The following GNS variants were observed in gnomAD, a reference collection of about 807,000 sequenced individuals.
GNS encodes N-acetylglucosamine-6-sulfatase.
Under a neutral mutation model 69.7 loss-of-function variants are expected in GNS, and 40 were observed. The ratio of observed to expected loss-of-function variants is 0.57; its 90% CI spans 0.45 to 0.75. The LOEUF is 0.75. GNS is among the 30% of genes least tolerant of loss of function. The pLI is 0.00. For synonymous variants in GNS, 243 were observed against 251.6 expected, an observed-to-expected ratio of 0.97 and a Z score of 0.32; for missense variants, 565 against 685.5, an observed-to-expected ratio of 0.82 and a Z score of 1.96.
chr12:64,737,438 C>T (rs1160136613), intron 8 of GNS, among the ~76,000 whole-genome samples: 1 of 152,148 alleles, frequency 6.6e-6, no homozygotes, highest in Non-Finnish European at 1.5e-5. Flanking sequence ...GAAGTTTACT[C>T]CAAAAACTGT....
chr12:64,748,052 T>A (rs572380726), intron 2 of GNS, 134 bp from the exon 3 acceptor site: 23 of 682,198 alleles, frequency 3.4e-5, no homozygotes, highest in African/African-American at 2.7e-4. Flanking sequence ...ATATATATAT[T>A]TTTTTCTACA....
intron 8 of GNS, 145 bp from the exon 9 acceptor site, chr12:64,737,252 G>A: frequency 1.5e-6 from 1 of 674,768 alleles, no homozygotes; most frequent in Non-Finnish European, 2.7e-6. Context: ...AAATTTGCCT[G>A]GGTCTCTTGT....
At chr12:64,755,207 C>T (rs915033840) in intron 1 of GNS, among the ~76,000 whole-genome samples, 7 of 152,190 alleles carry the variant, frequency 4.6e-5, no homozygotes, top group African/African-American at 1.7e-4. Context: ...GAATCATTTA[C>T]TTTCCTGGTT....
chr12:64,756,715 C>T, intron 1 of GNS: 4 of 1,474,970 alleles, frequency 2.7e-6, no homozygotes, highest in Non-Finnish European at 3.7e-6. Context: ...CTAGCTCTTC[C>T]CCTTGGAGTC....
intron 10 of GNS, among the ~76,000 whole-genome samples, chr12:64,727,567 G>A (rs1471365659): frequency 6.6e-6 from 1 of 152,192 alleles, no homozygotes; most frequent in Non-Finnish European, 1.5e-5. Flanking sequence ...CAGTAAAACA[G>A]AAGAAGGTAC....
intron 2 of GNS, 144 bp downstream of exon 2, chr12:64,752,554 T>A (rs1208900026): frequency 1.6e-6 from 1 of 629,270 alleles, no homozygotes; most frequent in African/African-American, 1.8e-5. Context: ...CAATTAAAAT[T>A]CACATTAAAT....
At position 64,739,508 on chromosome 12, in the gene GNS, G is replaced by C. The variant is rs1219035712; in HGVS notation, c.876-9C>G. On this transcript the variant is annotated splice_polypyrimidine_tract_variant and intron_variant, in intron 7 of 13. Coordinates refer to ENST00000258145, the MANE Select transcript of GNS (RefSeq NM_002076.4). ...AGAGGAGAGTTTGCCACCTGGATGT[G>C]AACAGAAGGTAGAAATGGGACTTCA... 8.0e-7 allele frequency: 1 copy of C among 1,256,574 alleles called. No individual in the cohort carries two copies. Among genetic ancestry groups the C allele is most frequent in the Non-Finnish European group, 1.1e-6 (1 of 889,362 alleles). 77.8% of individuals were successfully genotyped at this position (1,256,574 alleles called of 1,614,324 possible).
intron 2 of GNS, among the ~76,000 whole-genome samples, chr12:64,749,667 C>T (rs928750309): frequency 1.9e-4 from 29 of 152,092 alleles, no homozygotes; most frequent in Admixed American, 6.6e-4. Context: ...CCAGGGCTGT[C>T]GGCCTCTTGT....
At chr12:64,738,455 C>T (rs1869620249) in intron 8 of GNS, among the ~76,000 whole-genome samples, 2 of 152,198 alleles carry the variant, frequency 1.3e-5, no homozygotes, top group African/African-American at 4.8e-5. Context: ...AGACTGGCCT[C>T]ATGCAGCTGA....
At chr12:64,732,689 C>T (rs1448348057) in intron 9 of GNS, among the ~76,000 whole-genome samples, 2 of 151,960 alleles carry the variant, frequency 1.3e-5, no homozygotes, top group African/African-American at 4.8e-5. Context: ...TCTCGATCTC[C>T]TGACCTCCTG....
At position 64,734,452 on chromosome 12, in the gene GNS, C is replaced by T. The variant is rs187393797; in HGVS notation, c.1098+2552G>A. The stretch of plus-strand genomic sequence containing the variant: ...TTATGAAGCGACTTCCCAGAGGGAG[C>T]GGTAAACCAAAGCCCTAAAGGACAA... On this transcript the variant is annotated intron_variant, in intron 9 of 13. Transcript: ENST00000258145. Among the ~76,000 whole-genome samples the T allele has an allele frequency of 1.6e-4, 25 of 152,258 alleles. No individual in the cohort carries two copies. The East Asian group carries it at 3.5e-3, about 21-fold the overall frequency.
chr12:64,727,433 T>C (rs1398046489), intron 10 of GNS, among the ~76,000 whole-genome samples: 1 of 151,880 alleles, frequency 6.6e-6, no homozygotes, highest in Non-Finnish European at 1.5e-5. Flanking sequence ...CAAGACCCCA[T>C]CTCAAAAACA....
In GNS at chr12:64,732,153, A is replaced by ATTTTTTTTTTTTTTTTTTTTT. The variant is rs1210247666; in HGVS notation, c.1099-3097_1099-3096insAAAAAAAAAAAAAAAAAAAAA. On this transcript the variant is annotated intron_variant, in intron 9 of 13. Coordinates refer to ENST00000258145, the MANE Select transcript of GNS (RefSeq NM_002076.4). ...AGGCACCTGCCACCACACCTGGCTA[A>ATTTTTTTTTTTTTTTTTTTTT]TTTTTTTTTTTTGTTGTTTTTTTTT... 1.1e-4 allele frequency among the ~76,000 whole-genome samples: 10 copies of ATTTTTTTTTTTTTTTTTTTTT among 88,756 alleles called. 2 individuals carry two copies. The highest frequency in any genetic ancestry group is 1.0e-4 in the Non-Finnish European group (5 of 48,556). The allele number at this position is 88,756 out of a possible 152,430, so 58.2% of individuals were successfully genotyped here.
chr12:64,732,324 C>T (rs1028706201), intron 9 of GNS, among the ~76,000 whole-genome samples: 3 of 151,564 alleles, frequency 2.0e-5, no homozygotes, highest in African/African-American at 4.9e-5. Context: ...CCTGCCACCA[C>T]GCCCAGCTAC....
chr12:64,751,346 CTG>C (rs1277024076), intron 2 of GNS, among the ~76,000 whole-genome samples: 2 of 152,068 alleles, frequency 1.3e-5, no homozygotes, highest in East Asian at 1.9e-4. Context: ...AATAATTCTC[CTG>C]TGTTTCTTAG....
At chr12:64,737,534 C>T (rs1869592824) in intron 8 of GNS, among the ~76,000 whole-genome samples, 1 of 152,196 alleles carries the variant, frequency 6.6e-6, no homozygotes, top group Admixed American at 6.5e-5. Context: ...AAGTTCTTCT[C>T]TGAGGAATTT....
chr12:64,748,861 C>G (rs140410107), intron 2 of GNS, among the ~76,000 whole-genome samples: 277 of 152,286 alleles, frequency 1.8e-3, no homozygotes, highest in Non-Finnish European at 2.9e-3. Context: ...CATTTGAGCA[C>G]ACACTCATGC....
intron 6 of GNS, among the ~76,000 whole-genome samples, chr12:64,741,330 A>T (rs1166197655): frequency 2.0e-5 from 3 of 151,738 alleles, no homozygotes; most frequent in African/African-American, 7.3e-5. Flanking sequence ...CCCAAGCCCA[A>T]GCTGGAGTAC....
intron 6 of GNS, among the ~76,000 whole-genome samples, chr12:64,741,055 G>A (rs540627074): frequency 1.5e-4 from 11 of 74,252 alleles, no homozygotes; most frequent in Non-Finnish European, 2.5e-4. Context: ...ATTAGAAAAT[G>A]GGCAAATAGG....
Sources: allele counts gnomAD v4.1 joint callset (sites outside exome capture counted in the v4.1 genomes callset), GRCh38; gene constraint gnomAD v4.1.1; transcripts MANE v1.5; gene names NCBI Gene and HGNC (gene_info 2026-07-23, HGNC 2026-07-21).